RYR2: variants seen among roughly 807,000 people sequenced by gnomAD.
RYR2 encodes ryanodine receptor 2.
In RYR2, 227 loss-of-function variants were observed where a neutral mutation model predicts 601.1. That is an observed-to-expected ratio of 0.38 (90% CI 0.34 to 0.42). RYR2 has a LOEUF of 0.42. RYR2 is among the 10% of genes least tolerant of loss of function. The pLI, the probability that RYR2 is intolerant of heterozygous loss-of-function variation, is 1.00. For missense variants in RYR2, 4,646 were observed against 6,156.5 expected, an observed-to-expected ratio of 0.75 and a Z score of 8.21; for synonymous variants, 2,223 against 2,175.1, an observed-to-expected ratio of 1.02 and a Z score of -0.61.
At chr1:237,659,707 A>G (rs1296003790) in intron 54 of RYR2, among the ~76,000 whole-genome samples, 1 of 152,210 alleles carries the variant, frequency 6.6e-6, no homozygotes, top group Non-Finnish European at 1.5e-5. Context: ...TCTAATCTCT[A>G]GATAAAAGAC....
intron 1 of RYR2, among the ~76,000 whole-genome samples, chr1:237,157,295 C>CAAAAAAAAAAAAAAAAAAAAAAAAAAA (rs33922740): frequency 3.1e-4 from 20 of 63,498 alleles, no homozygotes; most frequent in Non-Finnish European, 3.7e-4. Flanking sequence ...GACTCCATCT[C>CAAAAAAAAAAAAAAAAAAAAAAAAAAA]AAAAAAAAAA....
chr1:237,375,269 T>A (rs1480307320), intron 7 of RYR2, among the ~76,000 whole-genome samples: 2 of 152,216 alleles, frequency 1.3e-5, no homozygotes, highest in African/African-American at 4.8e-5. Context: ...ATTTTCAGAT[T>A]TGTGAAACAA....
intron 52 of RYR2, 77 bp from the exon 53 acceptor site, chr1:237,655,743 CT>C (rs1683181646): frequency 7.4e-7 from 1 of 1,356,216 alleles, no homozygotes; most frequent in Non-Finnish European, 1.0e-6. Context: ...CTTCTGCAAC[CT>C]TCTGTCAGCC....
At chr1:237,119,126 G>A (rs541000586) in intron 1 of RYR2, among the ~76,000 whole-genome samples, 1 of 152,128 alleles carries the variant, frequency 6.6e-6, no homozygotes, top group Non-Finnish European at 1.5e-5. Context: ...TTAAAGTGAG[G>A]TCATTAGGTT....
intron 1 of RYR2, among the ~76,000 whole-genome samples, chr1:237,184,897 G>GTCT (rs1318044910): frequency 6.8e-6 from 1 of 147,472 alleles, no homozygotes; most frequent in Admixed American, 6.7e-5. Flanking sequence ...TTTGGACAGG[G>GTCT]TCTTGCTCTG....
intron 16 of RYR2, among the ~76,000 whole-genome samples, chr1:237,468,538 A>G (rs192269317): frequency 1.7e-4 from 26 of 152,364 alleles, no homozygotes; most frequent in African/African-American, 6.0e-4. Context: ...AAATGATATA[A>G]GAAAATAAAA....
intron 43 of RYR2, among the ~76,000 whole-genome samples, chr1:237,634,620 A>C (rs2148705834): frequency 6.6e-6 from 1 of 152,366 alleles, no homozygotes; most frequent in African/African-American, 2.4e-5. Flanking sequence ...TTCACCACAC[A>C]AAAGTGTATG....
chr1:237,379,302 A>G (rs1558715778), intron 8 of RYR2, among the ~76,000 whole-genome samples: 1 of 152,182 alleles, frequency 6.6e-6, no homozygotes. Context: ...TGCACTGAAA[A>G]ATGGAAAATT....
At chr1:237,599,494 A>T (rs1052949824) in intron 34 of RYR2, among the ~76,000 whole-genome samples, 6 of 151,662 alleles carry the variant, frequency 4.0e-5, no homozygotes, top group African/African-American at 1.4e-4. Context: ...GAGAAAAAAA[A>T]TCAAGATACA....
At chr1:237,305,551 C>T (rs1693785274) in intron 2 of RYR2, among the ~76,000 whole-genome samples, 1 of 152,200 alleles carries the variant, frequency 6.6e-6, no homozygotes, top group Non-Finnish European at 1.5e-5. Context: ...CCCATCTCAA[C>T]CTCCCAAGTA....
chr1:237,590,549 T>A, intron 30 of RYR2, 91 bp from the exon 31 acceptor site: 1 of 1,048,974 alleles, frequency 9.5e-7, no homozygotes. Flanking sequence ...GCATTTGGGA[T>A]TCTGAAAACG....
At chr1:237,314,745 G>A (rs1694941337) in intron 2 of RYR2, among the ~76,000 whole-genome samples, 2 of 152,116 alleles carry the variant, frequency 1.3e-5, no homozygotes, top group Admixed American at 1.3e-4. Context: ...ACTTGTCTTT[G>A]TGTCCTAGTG....
At position 237,500,855 on chromosome 1, in the gene RYR2, A is replaced by G. The variant is rs777900332; in HGVS notation, c.2348A>G (p.Asn783Ser). 7 of 1,614,032 alleles carry G rather than the reference A, an allele frequency of 4.3e-6. No individual in the cohort carries two copies. The highest frequency in any genetic ancestry group is 5.9e-6 in the Non-Finnish European group (7 of 1,179,898). ...QPVQGMFENF[N>S]IDGLFFPVVS... ...GTTCAAGGAATGTTTGAGAATTTCA[A>G]CATCGATGGCCTCTTCTTTCCAGTC... Residue 783 changes from asparagine to serine, a missense_variant, in exon 21 of 105, where the codon AAC becomes AGC. By Grantham distance (46) the Asn-to-Ser change is conservative. Transcript: ENST00000366574.
At chr1:237,709,239 T>G (rs534916843) in intron 69 of RYR2, 141 bp downstream of exon 69, 86 of 857,278 alleles carry the variant, frequency 1.0e-4, no homozygotes, top group Non-Finnish European at 1.4e-4. Context: ...GGCAAGTTAA[T>G]TTTTGGCTTA....
At chr1:237,759,488 A>G (rs1037192443) in intron 82 of RYR2, among the ~76,000 whole-genome samples, 1 of 152,176 alleles carries the variant, frequency 6.6e-6, no homozygotes, top group African/African-American at 2.4e-5. Flanking sequence ...TGAATCACCA[A>G]ATTACTTTAA....
At chr1:237,558,360 G>A (rs1297638798) in intron 27 of RYR2, among the ~76,000 whole-genome samples, 1 of 152,150 alleles carries the variant, frequency 6.6e-6, no homozygotes, top group Non-Finnish European at 1.5e-5. Flanking sequence ...CTTGAAGAGA[G>A]CAGTAAAGAT....
chr1:237,256,163 A>G (rs531430655), intron 1 of RYR2, among the ~76,000 whole-genome samples: 1 of 152,106 alleles, frequency 6.6e-6, no homozygotes, highest in Admixed American at 6.5e-5. Context: ...ATCTCATGAA[A>G]TCTGATGATT....
chr1:237,428,448 T>G (rs4498793), intron 12 of RYR2, among the ~76,000 whole-genome samples: 126,376 of 152,108 alleles, frequency 0.83, 53,137 homozygotes, highest in East Asian at 1. Flanking sequence ...TCCTTTGAAG[T>G]GACATGGATG....
intron 1 of RYR2, among the ~76,000 whole-genome samples, chr1:237,144,185 T>C (rs911146397): frequency 6.6e-6 from 1 of 152,076 alleles, no homozygotes; most frequent in African/African-American, 2.4e-5. Context: ...GGCCATCTAC[T>C]AAAAGAGTGC....
Sources: allele counts gnomAD v4.1 joint callset (sites outside exome capture counted in the v4.1 genomes callset), GRCh38; gene constraint gnomAD v4.1.1; transcripts MANE v1.5; gene names NCBI Gene and HGNC (gene_info 2026-07-23, HGNC 2026-07-21).